Variants in TBC1D2B observed in about 807,000 individuals in gnomAD.
TBC1D2B encodes TBC1 domain family, member 2B.
In TBC1D2B, 64 loss-of-function variants were observed where a neutral mutation model predicts 100.8. That is an observed-to-expected ratio of 0.64 (90% CI 0.52 to 0.78). TBC1D2B has a LOEUF of 0.78. TBC1D2B is among the 30% of genes least tolerant of loss of function. The pLI is 0.00. For missense variants in TBC1D2B, 1,052 were observed against 1,218.4 expected, an observed-to-expected ratio of 0.86 and a Z score of 2.03; for synonymous variants, 480 against 479.7, an observed-to-expected ratio of 1.00 and a Z score of -0.01.
At chr15:78,070,861 C>T (rs1422578018) in intron 1 of TBC1D2B, among the ~76,000 whole-genome samples, 3 of 152,094 alleles carry the variant, frequency 2.0e-5, no homozygotes, top group African/African-American at 7.2e-5. Context: ...TCGCTCTTGT[C>T]GCCCAGGCTG....
intron 9 of TBC1D2B, among the ~76,000 whole-genome samples, chr15:78,011,889 C>T (rs1199866752): frequency 1.3e-5 from 2 of 151,962 alleles, no homozygotes; most frequent in Non-Finnish European, 2.9e-5. Context: ...TCAGGTGATC[C>T]GCCTGCCTCG....
At chr15:78,022,211 G>T (rs1304016161) in intron 6 of TBC1D2B, among the ~76,000 whole-genome samples, 2 of 152,080 alleles carry the variant, frequency 1.3e-5, no homozygotes, top group Non-Finnish European at 2.9e-5. Flanking sequence ...ATATAAAAAT[G>T]AGCTGGGTGT....
intron 6 of TBC1D2B, among the ~76,000 whole-genome samples, chr15:78,019,713 C>T (rs965038848): frequency 6.9e-6 from 1 of 145,448 alleles, no homozygotes; most frequent in Admixed American, 6.9e-5. Flanking sequence ...CATGGCGAAA[C>T]CCTGTCTCTA....
chr15:78,008,545 C>T (rs1175285185), intron 10 of TBC1D2B, among the ~76,000 whole-genome samples: 1 of 152,238 alleles, frequency 6.6e-6, no homozygotes, highest in Non-Finnish European at 1.5e-5. Flanking sequence ...ATCCTCCTCC[C>T]TTCCTGGGGC....
chr15:78,053,986 A>C (rs1450961994), intron 2 of TBC1D2B, 48 bp downstream of exon 2: 1 of 1,559,850 alleles, frequency 6.4e-7, no homozygotes, highest in East Asian at 2.3e-5. Flanking sequence ...GTGGTATCGA[A>C]TGGCTTACAC....
intron 12 of TBC1D2B, among the ~76,000 whole-genome samples, 188 bp downstream of exon 12, chr15:78,001,431 T>G (rs1232484572): frequency 6.6e-6 from 1 of 152,224 alleles, no homozygotes; most frequent in African/African-American, 2.4e-5. Context: ...CTCATCTCAG[T>G]TCCTCCTAGG....
At chr15:78,017,643 G>A (rs762018872) in intron 7 of TBC1D2B, among the ~76,000 whole-genome samples, 1 of 151,992 alleles carries the variant, frequency 6.6e-6, no homozygotes, top group Non-Finnish European at 1.5e-5. Context: ...ACATCTCACG[G>A]CATTTATCTG....
At chr15:78,037,585 G>A (rs555981763) in intron 3 of TBC1D2B, among the ~76,000 whole-genome samples, 2 of 139,726 alleles carry the variant, frequency 1.4e-5, no homozygotes, top group Admixed American at 7.2e-5. Context: ...TTACCCAAGG[G>A]AACATCCTCA....
At position 78,020,954 on chromosome 15, in the gene TBC1D2B, T is replaced by G. The variant is rs542025262; in HGVS notation, c.1471-2997A>C. 3.3e-5 allele frequency among the ~76,000 whole-genome samples: 5 copies of G among 152,258 alleles called. No homozygotes were observed. In the East Asian group the frequency reaches 5.8e-4, roughly 18 times the overall value. ...GGATGGACAACACTGAAATCGCTAA[T>G]GAAAGCAATATGGAAGTGCTGGGGC... On this transcript the variant is annotated intron_variant, in intron 6 of 12. Coordinates refer to ENST00000300584, the MANE Select transcript of TBC1D2B (RefSeq NM_144572.2).
At chr15:78,049,845 C>G (rs1170614505) in intron 2 of TBC1D2B, among the ~76,000 whole-genome samples, 1 of 152,082 alleles carries the variant, frequency 6.6e-6, no homozygotes, top group Non-Finnish European at 1.5e-5. Flanking sequence ...CTGACTTTCA[C>G]AGACTGGTTC....
chr15:78,015,621 G>C (rs2072353607), intron 8 of TBC1D2B, among the ~76,000 whole-genome samples: 1 of 152,280 alleles, frequency 6.6e-6, no homozygotes, highest in African/African-American at 2.4e-5. Context: ...TCCAGGCTGA[G>C]GGCCTGTCCT....
At chr15:78,013,403 C>A in intron 8 of TBC1D2B, 86 bp from the exon 9 acceptor site, 1 of 1,264,796 alleles carries the variant, frequency 7.9e-7, no homozygotes, top group Non-Finnish European at 1.1e-6. Context: ...GTCTAGAAAC[C>A]AAATCAGGCA....
intron 11 of TBC1D2B, 170 bp downstream of exon 11, chr15:78,003,133 CTG>C (rs1181031865): frequency 2.1e-5 from 12 of 582,160 alleles, no homozygotes; most frequent in Non-Finnish European, 3.1e-5. Flanking sequence ...GAACAAATGA[CTG>C]TGGTTTCCTG....
chr15:78,011,369 A>G (rs986932696), intron 9 of TBC1D2B, among the ~76,000 whole-genome samples: 3 of 152,234 alleles, frequency 2.0e-5, no homozygotes, highest in Admixed American at 6.5e-5. Flanking sequence ...GCCTGTGGGC[A>G]GCCATAACAA....
At chr15:78,072,881 C>G (rs1248446839) in intron 1 of TBC1D2B, among the ~76,000 whole-genome samples, 1 of 152,156 alleles carries the variant, frequency 6.6e-6, no homozygotes, top group Admixed American at 6.6e-5. Context: ...CTGCTAGACC[C>G]TTGCAGCAGT....
intron 9 of TBC1D2B, among the ~76,000 whole-genome samples, chr15:78,009,855 G>T (rs1455139354): frequency 6.6e-6 from 1 of 151,850 alleles, no homozygotes; most frequent in South Asian, 2.1e-4. Context: ...GGCGCCTGTA[G>T]TCCAAGCTAC....
chr15:78,066,720 T>C (rs748111404), intron 1 of TBC1D2B, among the ~76,000 whole-genome samples: 9 of 152,232 alleles, frequency 5.9e-5, no homozygotes, highest in Admixed American at 1.3e-4. Flanking sequence ...TAAAAAGTGG[T>C]TCACTTCTAA....
intron 10 of TBC1D2B, among the ~76,000 whole-genome samples, chr15:78,004,376 C>T (rs538238509): frequency 6.6e-6 from 1 of 152,262 alleles, no homozygotes; most frequent in African/African-American, 2.4e-5. Context: ...GAGGAGAAAC[C>T]GCTCCTACAG....
At chr15:77,999,363 T>A in intron 12 of TBC1D2B, 1 of 444,110 alleles carries the variant, frequency 2.3e-6, no homozygotes, top group Middle Eastern at 3.5e-4. Flanking sequence ...GGGTGCAACC[T>A]TTTATGTTTC....
Sources: allele counts gnomAD v4.1 joint callset (sites outside exome capture counted in the v4.1 genomes callset), GRCh38; gene constraint gnomAD v4.1.1; transcripts MANE v1.5; gene names NCBI Gene and HGNC (gene_info 2026-07-23, HGNC 2026-07-21).